CNTNAP2: variants seen among roughly 807,000 people sequenced by gnomAD.
CNTNAP2 encodes contactin associated protein 2.
In CNTNAP2, 98 loss-of-function variants were observed where a neutral mutation model predicts 155.2. The ratio of observed to expected loss-of-function variants is 0.63; its 90% confidence interval spans 0.54 to 0.75. CNTNAP2 has a LOEUF of 0.75. CNTNAP2 is among the 30% of genes least tolerant of loss of function. CNTNAP2 has a pLI of 0.00. For synonymous variants in CNTNAP2, 651 were observed against 631.2 expected (o/e 1.03, Z -0.47); for missense variants, 1,727 against 1,688.1 (o/e 1.02, Z -0.40).
intron 1 of CNTNAP2, among the ~76,000 whole-genome samples, chr7:146,697,251 A>T (rs10952656): frequency 0.8 from 121,476 of 151,206 alleles, 49,729 homozygotes; most frequent in South Asian, 0.93. Flanking sequence ...TTATTTATTT[A>T]TTTTGAGACA....
intron 18 of CNTNAP2, among the ~76,000 whole-genome samples, chr7:148,204,900 T>A (rs1010330014): frequency 1.3e-5 from 2 of 152,206 alleles, no homozygotes; most frequent in Non-Finnish European, 2.9e-5. Context: ...AGTTACCTCA[T>A]CTGTAAAATA....
At chr7:146,924,004 C>T (rs1171337842) in intron 3 of CNTNAP2, among the ~76,000 whole-genome samples, 3 of 152,034 alleles carry the variant, frequency 2.0e-5, no homozygotes, top group Non-Finnish European at 4.4e-5. Context: ...TCATAGCTTC[C>T]CCCAACTGTT....
At chr7:146,559,007 A>G (rs1368923129) in intron 1 of CNTNAP2, among the ~76,000 whole-genome samples, 3 of 152,230 alleles carry the variant, frequency 2.0e-5, no homozygotes, top group African/African-American at 7.2e-5. Context: ...ACTGTCCCAT[A>G]AAACTAATAT....
intron 10 of CNTNAP2, among the ~76,000 whole-genome samples, chr7:147,483,407 A>T (rs1365464975): frequency 6.6e-6 from 1 of 152,036 alleles, no homozygotes; most frequent in Admixed American, 6.6e-5. Flanking sequence ...ATAGAGAGGG[A>T]TGACTTGTAT....
At chr7:148,050,547 T>TA (rs1223415316) in intron 15 of CNTNAP2, among the ~76,000 whole-genome samples, 1 of 152,154 alleles carries the variant, frequency 6.6e-6, no homozygotes, top group East Asian at 1.9e-4. Flanking sequence ...GTTTAGAAAG[T>TA]AAAAAAAGTT....
chr7:146,527,210 TAATA>T (rs1306802673), intron 1 of CNTNAP2, among the ~76,000 whole-genome samples: 32 of 152,160 alleles, frequency 2.1e-4, no homozygotes, highest in African/African-American at 7.5e-4. Flanking sequence ...TGGAATCACA[TAATA>T]AATAATATTA....
chr7:148,129,331 C>A lies in CNTNAP2; in HGVS notation c.2554+11043C>A, dbSNP rs1484361472. Among the ~76,000 whole-genome samples the A allele has an allele frequency of 7.9e-5, 12 of 152,184 alleles. No individual in the cohort carries two copies. The South Asian group carries it at 2.3e-3, about 29-fold the overall frequency. On this transcript the variant is annotated intron_variant, in intron 16 of 23. Transcript: ENST00000361727. ...CATACATGACGGTATGTCCTGATTTCTTTCATGCGATGCTCGAAAATAACC... is the reference window on the plus strand; with the variant it reads ...CATACATGACGGTATGTCCTGATTTATTTCATGCGATGCTCGAAAATAACC...
At chr7:146,216,062 A>G (rs1482898390) in intron 1 of CNTNAP2, among the ~76,000 whole-genome samples, 1 of 152,174 alleles carries the variant, frequency 6.6e-6, no homozygotes, top group Non-Finnish European at 1.5e-5. Flanking sequence ...CGGGAAGGGA[A>G]TGTAGATGAG....
At chr7:146,491,469 T>C (rs2129131244) in intron 1 of CNTNAP2, among the ~76,000 whole-genome samples, 1 of 152,288 alleles carries the variant, frequency 6.6e-6, no homozygotes, top group African/African-American at 2.4e-5. Flanking sequence ...TATGGGGACT[T>C]TTGCAACTCA....
In CNTNAP2 at chr7:148,008,667, C is replaced by T. The variant is rs572487323; in HGVS notation, c.2383+30678C>T. ...GAGACAGCTTCATCCTTTTTGGGGT[C>T]ACAACCACCTTCCTTATTTGTGTAG... is the stretch of plus-strand genomic sequence containing the variant. On this transcript the variant is annotated intron_variant, in intron 15 of 23. Transcript: ENST00000361727. 2.6e-5 allele frequency among the ~76,000 whole-genome samples: 4 copies of T among 152,278 alleles called. No homozygotes were observed. The East Asian group carries it at 7.7e-4, about 29-fold the overall frequency.
At chr7:147,675,020 C>A (rs922683626) in intron 13 of CNTNAP2, among the ~76,000 whole-genome samples, 4 of 151,790 alleles carry the variant, frequency 2.6e-5, no homozygotes, top group African/African-American at 7.3e-5. Flanking sequence ...TGTCTTAAAA[C>A]AACAGACATT....
Position 148,405,013 on chromosome 7 carries a change from C to T in CNTNAP2, c.3716-4378C>T, listed in dbSNP as rs542372827. On this transcript the variant is annotated intron_variant, in intron 22 of 23. Transcript: ENST00000361727. ...TACAGGACTGGGGGGCATGGCAGGC[C>T]AGGCTGGTTTTGGAAAAAGCAGCAT... is the stretch of plus-strand genomic sequence containing the variant. Among the ~76,000 whole-genome samples the T allele has an allele frequency of 2.0e-5, 3 of 152,178 alleles. No individual in the cohort carries two copies. The South Asian group carries it at 6.2e-4, about 32-fold the overall frequency.
intron 1 of CNTNAP2, among the ~76,000 whole-genome samples, chr7:146,366,374 G>A (rs1029637478): frequency 6.6e-6 from 1 of 152,014 alleles, no homozygotes; most frequent in Non-Finnish European, 1.5e-5. Flanking sequence ...AGTTATTAGA[G>A]TATTAAATAC....
rs565987082 is a variant in CNTNAP2 at position 146,443,170 on chromosome 7, C to T, written c.97+326197C>T. ...CGGAGGTTGCAGTGAGTCGAGATCACGCCACTGCACTCCAGCCTTGGTGAC... is the reference window on the plus strand; with the variant it reads ...CGGAGGTTGCAGTGAGTCGAGATCATGCCACTGCACTCCAGCCTTGGTGAC... On this transcript the variant is annotated intron_variant, in intron 1 of 23. Transcript: ENST00000361727. 5.3e-4 allele frequency among the ~76,000 whole-genome samples: 80 copies of T among 151,696 alleles called. 2 individuals are homozygous for T. The South Asian group carries it at 0.012, about 24-fold the overall frequency.
chr7:146,163,507 CTA>C (rs983466626), intron 1 of CNTNAP2, among the ~76,000 whole-genome samples: 1 of 43,706 alleles, frequency 2.3e-5, no homozygotes, highest in African/African-American at 7.4e-5. Flanking sequence ...ATCTATATAT[CTA>C]TATATATCTA....
intron 1 of CNTNAP2, among the ~76,000 whole-genome samples, chr7:146,716,161 T>G (rs1371671522): frequency 6.6e-6 from 1 of 151,172 alleles, no homozygotes; most frequent in Non-Finnish European, 1.5e-5. Flanking sequence ...TTTGGGTAGA[T>G]TCCCTGACCT....
chr7:148,047,782 G>A (rs1022357259), intron 15 of CNTNAP2, among the ~76,000 whole-genome samples: 1 of 152,210 alleles, frequency 6.6e-6, no homozygotes, highest in Non-Finnish European at 1.5e-5. Flanking sequence ...ACAAGTAGAT[G>A]AGTTTGCAAA....
chr7:148,258,763 G>A (rs7781822), intron 20 of CNTNAP2, among the ~76,000 whole-genome samples: 21,180 of 152,066 alleles, frequency 0.14, 1,611 homozygotes, highest in African/African-American at 0.19. Context: ...TAGGCTGGGC[G>A]TGGTGGCCTA....
chr7:148,280,918 C>A (rs202049454), intron 21 of CNTNAP2, among the ~76,000 whole-genome samples: 4 of 146,402 alleles, frequency 2.7e-5, no homozygotes, highest in Non-Finnish European at 4.5e-5. Flanking sequence ...GACTCCATCT[C>A]AAAAAAAAAA....
Sources: gnomAD v4.1 joint callset for allele counts (sites outside exome capture counted in the v4.1 genomes callset) on GRCh38, gnomAD v4.1.1 for gene constraint, MANE v1.5 for transcripts, NCBI Gene and HGNC (gene_info 2026-07-23, HGNC 2026-07-21) for gene names.